Variants in MACROD2 observed in about 807,000 individuals in gnomAD.
MACROD2 encodes mono-ADP ribosylhydrolase 2.
A neutral mutation model predicts 70.4 loss-of-function variants in MACROD2; 36 were observed. The ratio of observed to expected loss-of-function variants is 0.51; its 90% confidence interval spans 0.39 to 0.68. The LOEUF (loss-of-function observed/expected upper bound fraction) is 0.68, where lower values mean the gene tolerates loss of function less well. Among genes scored for constraint, MACROD2 ranks in the 30% least tolerant of loss-of-function variants. The pLI, the probability that MACROD2 is intolerant of heterozygous loss-of-function variation, is 0.00. For synonymous variants in MACROD2, 172 were observed against 178.8 expected (o/e 0.96, Z 0.30); for missense variants, 496 against 538.4 (o/e 0.92, Z 0.78).
chr20:15,106,630 T>TGGAACAGC (rs1267090016), intron 5 of MACROD2, among the ~76,000 whole-genome samples: 4 of 152,168 alleles, frequency 2.6e-5, no homozygotes, highest in Non-Finnish European at 5.9e-5. Context: ...TCTCCTAGCG[T>TGGAACAGC]GGAACAGCGT....
intron 13 of MACROD2, chr20:15,985,874 C>A (rs895675349): frequency 6.6e-6 from 1 of 152,196 alleles, no homozygotes; most frequent in African/African-American, 2.4e-5. Flanking sequence ...ATCCGAGCTC[C>A]CCAAATGCAC....
chr20:14,524,990 C>A (rs1451206553), intron 4 of MACROD2, among the ~76,000 whole-genome samples: 1 of 152,062 alleles, frequency 6.6e-6, no homozygotes, highest in African/African-American at 2.4e-5. Flanking sequence ...TAGGAAGAGC[C>A]CCCATTTTCT....
At chr20:15,542,105 G>A (rs577931070) in intron 8 of MACROD2, among the ~76,000 whole-genome samples, 5 of 152,126 alleles carry the variant, frequency 3.3e-5, no homozygotes, top group East Asian at 1.9e-4. Flanking sequence ...GCATCTTGGG[G>A]TTATACAAAA....
intron 5 of MACROD2, among the ~76,000 whole-genome samples, chr20:15,226,241 C>A (rs1397865345): frequency 6.6e-6 from 1 of 152,142 alleles, no homozygotes; most frequent in Non-Finnish European, 1.5e-5. Flanking sequence ...GACTTACAAC[C>A]TGTAGTCAGA....
chr20:15,389,157 T>G (rs911621817), intron 6 of MACROD2, among the ~76,000 whole-genome samples: 2 of 152,166 alleles, frequency 1.3e-5, no homozygotes, highest in Non-Finnish European at 2.9e-5. Flanking sequence ...ACCTGCAACC[T>G]GTTGCCTCTT....
At chr20:15,980,680 T>A (rs1601261133) in intron 13 of MACROD2, among the ~76,000 whole-genome samples, 2 of 152,248 alleles carry the variant, frequency 1.3e-5, no homozygotes, top group African/African-American at 2.4e-5. Context: ...TTTGTCATAT[T>A]TTTAACTATG....
chr20:14,831,857 G>A (rs974203366), intron 5 of MACROD2, among the ~76,000 whole-genome samples: 1 of 148,068 alleles, frequency 6.8e-6, no homozygotes, highest in Non-Finnish European at 1.5e-5. Flanking sequence ...GTTGTTGTGA[G>A]TTTGTCATCG....
At chr20:15,722,273 G>A (rs1383373167) in intron 8 of MACROD2, among the ~76,000 whole-genome samples, 1 of 152,072 alleles carries the variant, frequency 6.6e-6, no homozygotes, top group Non-Finnish European at 1.5e-5. Context: ...GAATTCCCAG[G>A]GCATAGACAT....
chr20:15,660,424 C>G (rs970157807), intron 8 of MACROD2, among the ~76,000 whole-genome samples: 3 of 152,002 alleles, frequency 2.0e-5, no homozygotes, highest in African/African-American at 7.3e-5. Context: ...CTGAAGCTCA[C>G]TGACACCTGG....
At chr20:14,111,837 A>G (rs1485841734) in intron 3 of MACROD2, among the ~76,000 whole-genome samples, 1 of 152,018 alleles carries the variant, frequency 6.6e-6, no homozygotes, top group East Asian at 1.9e-4. Flanking sequence ...ACCATCATCC[A>G]GCAATCCCAC....
intron 3 of MACROD2, among the ~76,000 whole-genome samples, chr20:14,273,083 A>G (rs1314139554): frequency 6.6e-6 from 1 of 152,020 alleles, no homozygotes; most frequent in African/African-American, 2.4e-5. Context: ...TAGACAGATC[A>G]ATGAGACAGA....
At chr20:15,987,687 A>C (rs934989040) in intron 15 of MACROD2, among the ~76,000 whole-genome samples, 14 of 152,154 alleles carry the variant, frequency 9.2e-5, no homozygotes, top group African/African-American at 3.4e-4. Context: ...GATTTCTGAA[A>C]ACTCAAGAGG....
At chr20:15,175,090 A>G (rs1286068563) in intron 5 of MACROD2, among the ~76,000 whole-genome samples, 1 of 152,202 alleles carries the variant, frequency 6.6e-6, no homozygotes, top group East Asian at 1.9e-4. Context: ...ATGGAATACT[A>G]TGCAGCCATA....
chr20:14,505,804 A>G (rs2084962887), intron 4 of MACROD2, among the ~76,000 whole-genome samples: 3 of 152,230 alleles, frequency 2.0e-5, no homozygotes, highest in Non-Finnish European at 4.4e-5. Context: ...ATTTTAGGTT[A>G]TGGCAGAGTG....
chr20:15,588,330 T>TC, intron 8 of MACROD2, among the ~76,000 whole-genome samples: 1 of 152,174 alleles, frequency 6.6e-6, no homozygotes, highest in Non-Finnish European at 1.5e-5. Flanking sequence ...CACTTTTTCC[T>TC]CCCGGGCCTC....
chr20:15,876,515 G>A (rs2064676816), intron 9 of MACROD2, among the ~76,000 whole-genome samples: 1 of 152,170 alleles, frequency 6.6e-6, no homozygotes, highest in East Asian at 1.9e-4. Context: ...GTCTATCATT[G>A]TTGGACATTT....
chr20:15,342,778 G>T (rs913641382), intron 6 of MACROD2, among the ~76,000 whole-genome samples: 1 of 152,054 alleles, frequency 6.6e-6, no homozygotes, highest in African/African-American at 2.4e-5. Context: ...TTTTCGGAGG[G>T]GTGGAACTTC....
intron 2 of MACROD2, among the ~76,000 whole-genome samples, chr20:14,071,848 T>A (rs1057299192): frequency 6.6e-6 from 1 of 151,946 alleles, no homozygotes; most frequent in Non-Finnish European, 1.5e-5. Context: ...GGCGGAAGGA[T>A]TGCTTGAGGC....
intron 5 of MACROD2, among the ~76,000 whole-genome samples, chr20:15,156,191 G>A (rs2076305797): frequency 6.6e-6 from 1 of 152,126 alleles, no homozygotes; most frequent in African/African-American, 2.4e-5. Flanking sequence ...TGAAGGATTA[G>A]GCAAGAGACA....
Sources: allele counts gnomAD v4.1 joint callset (sites outside exome capture counted in the v4.1 genomes callset), GRCh38; gene constraint gnomAD v4.1.1; transcripts MANE v1.5; gene names NCBI Gene and HGNC (gene_info 2026-07-23, HGNC 2026-07-21).